The following NSL1 variants were observed in gnomAD, a reference collection of about 807,000 sequenced individuals.
The protein encoded by NSL1 is kinetochore-associated protein NSL1 homolog.
NSL1 carries 11 observed loss-of-function variants against 25.4 expected under a neutral mutation model. That is an observed-to-expected ratio of 0.43 (90% CI 0.27 to 0.72). The LOEUF (loss-of-function observed/expected upper bound fraction) is 0.72, where lower values mean the gene tolerates loss of function less well. Ranked by LOEUF, NSL1 falls within the 30% of genes least tolerant of loss-of-function variation. The pLI is 0.19. For missense variants in NSL1, 330 were observed against 342.7 expected (o/e 0.96, Z 0.29); for synonymous variants, 118 against 120.6 (o/e 0.98, Z 0.14).
In NSL1 at chr1:212,756,114, A is replaced by G. The variant is rs755051801; in HGVS notation, c.500-16513T>C. ...ACCAAAAACAAAAAGTAAAAATACA[A>G]TGCTATCCTTGTTGGGTTTTTTTGA... On this transcript the variant is annotated intron_variant, in intron 4 of 5. Transcript: ENST00000366977. 3.0e-4 allele frequency among the ~76,000 whole-genome samples: 45 copies of G among 152,136 alleles called. 1 individual carries two copies. The highest frequency in any genetic ancestry group is 4.0e-4 in the Non-Finnish European group (27 of 68,014).
chr1:212,759,787 G>A (rs548242706), intron 4 of NSL1, among the ~76,000 whole-genome samples: 2 of 152,110 alleles, frequency 1.3e-5, no homozygotes, highest in East Asian at 1.9e-4. Context: ...CCAGGTCCCC[G>A]GCACTCTAGC....
At chr1:212,786,086 CCTT>C (rs1029431113) in intron 2 of NSL1, among the ~76,000 whole-genome samples, 48 of 151,250 alleles carry the variant, frequency 3.2e-4, no homozygotes, top group African/African-American at 9.9e-4. Flanking sequence ...CCCTTCCTTT[CCTT>C]CTTTTCTTTC....
In NSL1 at chr1:212,731,331, G is replaced by T; in HGVS notation, c.*7077C>A. ...AGCACTTTGGGAAGCTGAGGCAGGA[G>T]GATGGCTTGAGCCCAGGAATTCAAG... On this transcript the variant is annotated 3_prime_UTR_variant, in exon 6 of 6. Transcript: ENST00000366977. The T allele has an allele frequency of 2.0e-6, 2 of 981,802 alleles. No individual in the cohort carries two copies. Among genetic ancestry groups the T allele is most frequent in the Non-Finnish European group, 2.4e-6 (2 of 826,726 alleles). The allele number at this position is 981,802 out of a possible 1,614,324, so 60.8% of individuals were successfully genotyped here.
intron 1 of NSL1, among the ~76,000 whole-genome samples, chr1:212,789,979 G>T (rs1024837745): frequency 2.0e-5 from 3 of 152,210 alleles, no homozygotes; most frequent in African/African-American, 7.2e-5. Flanking sequence ...ACTACATACA[G>T]AGTCACAACC....
At chr1:212,754,785 A>AAAAAAAAAG (rs1553252344) in intron 4 of NSL1, among the ~76,000 whole-genome samples, 1 of 149,500 alleles carries the variant, frequency 6.7e-6, no homozygotes, top group African/African-American at 2.5e-5. Context: ...AAAAAAAAAA[A>AAAAAAAAAG]CCAACTCAAA....
Position 212,729,413 on chromosome 1 carries a change from A to G in NSL1, c.*8995T>C, listed in dbSNP as rs567505923. On this transcript the variant is annotated 3_prime_UTR_variant, in exon 6 of 6. Coordinates refer to ENST00000366977, the MANE Select transcript of NSL1 (RefSeq NM_015471.4). ...AGCACAGTATTTAGATTCATCGAGT[A>G]TGTGTGTAATAAAAGGTGTGGCTAC... The G allele has an allele frequency of 2.0e-6, 2 of 984,262 alleles. No individual in the cohort carries two copies. Among genetic ancestry groups the G allele is most frequent in the Admixed American group, 6.1e-5 (1 of 16,282 alleles). 61.0% of individuals were successfully genotyped at this position (984,262 alleles called of 1,614,324 possible).
chr1:212,748,507 T>C (rs910594877), intron 4 of NSL1, among the ~76,000 whole-genome samples: 8 of 152,162 alleles, frequency 5.3e-5, no homozygotes, highest in African/African-American at 1.9e-4. Flanking sequence ...AGACACACAA[T>C]GGAATACTAC....
At chr1:212,765,706 T>C (rs1318093465) in intron 4 of NSL1, among the ~76,000 whole-genome samples, 2 of 151,934 alleles carry the variant, frequency 1.3e-5, no homozygotes, top group African/African-American at 4.8e-5. Flanking sequence ...CTCAGAAGGC[T>C]GAGGCAGGAG....
At position 212,738,670 on chromosome 1, in the gene NSL1, A is replaced by G. The variant is rs1571862775; in HGVS notation, c.584T>C (p.Ile195Thr). Residue 195 changes from isoleucine (I) to threonine (T), a missense_variant, in exon 6 of 6, where the codon ATT becomes ACT. By Grantham distance (89) the Ile-to-Thr change is moderately conservative (BLOSUM62 -1). Coordinates refer to ENST00000366977, the MANE Select transcript of NSL1 (RefSeq NM_015471.4). ...TTGGGAAAATCCCTCTCCTTGTTCA[A>G]TTAATGCAGGCAAGGACTTCAAACA... ...SEAMKSLPAL[I>T]EQGEGFSQVL... 6.2e-7 allele frequency: 1 copy of G among 1,613,622 alleles called. No individual in the cohort carries two copies. Among genetic ancestry groups the G allele is most frequent in the East Asian group, 2.2e-5 (1 of 44,872 alleles).
chr1:212,785,916 A>C (rs1660922247), intron 2 of NSL1, among the ~76,000 whole-genome samples: 2 of 152,224 alleles, frequency 1.3e-5, no homozygotes, highest in Non-Finnish European at 2.9e-5. Context: ...TTCGGTATAT[A>C]CATATCAGAT....
At chr1:212,789,491 C>T (rs1380144344) in intron 1 of NSL1, among the ~76,000 whole-genome samples, 2 of 152,316 alleles carry the variant, frequency 1.3e-5, no homozygotes, top group East Asian at 1.9e-4. Context: ...GGATTACAGG[C>T]GTAAGCCATC....
chr1:212,738,985 A>T (rs139595988), intron 5 of NSL1, among the ~76,000 whole-genome samples: 108 of 151,548 alleles, frequency 7.1e-4, no homozygotes, highest in African/African-American at 2.4e-3. Context: ...CTGGTCTTGA[A>T]CTCCTGACCT....
At chr1:212,741,603 A>AT (rs1658511913) in intron 4 of NSL1, among the ~76,000 whole-genome samples, 1 of 152,138 alleles carries the variant, frequency 6.6e-6, no homozygotes, top group Non-Finnish European at 1.5e-5. Flanking sequence ...TGCCATGACT[A>AT]TAAGTTTCCT....
chr1:212,787,827 A>G (rs1188636295), intron 1 of NSL1, among the ~76,000 whole-genome samples, 190 bp from the exon 2 acceptor site: 1 of 152,220 alleles, frequency 6.6e-6, no homozygotes, highest in East Asian at 1.9e-4. Flanking sequence ...TTTGGGTCTC[A>G]TAGCCATTAT....
chr1:212,736,107 G>A lies in NSL1; in HGVS notation c.*2301C>T, dbSNP rs1293267288. 1.1e-6 allele frequency: 1 copy of A among 937,802 alleles called. No homozygotes were observed. The highest frequency in any genetic ancestry group is 1.2e-4 in the East Asian group (1 of 8,562). The allele number at this position is 937,802 out of a possible 1,614,324, so 58.1% of individuals were successfully genotyped here. ...GGCTGGAGTACAGTGGTGCCATCCT[G>A]GCTCACTGCAACTTCTGCCTCCAGG... On this transcript the variant is annotated 3_prime_UTR_variant, in exon 6 of 6. Coordinates refer to ENST00000366977, the MANE Select transcript of NSL1 (RefSeq NM_015471.4).
At chr1:212,768,360 C>T (rs1659935956) in intron 4 of NSL1, among the ~76,000 whole-genome samples, 1 of 148,406 alleles carries the variant, frequency 6.7e-6, no homozygotes, top group African/African-American at 2.5e-5. Context: ...AGCAGGACTA[C>T]CATTCGATCC....
chr1:212,742,947 G>C (rs1388000650), intron 4 of NSL1, among the ~76,000 whole-genome samples: 2 of 152,088 alleles, frequency 1.3e-5, no homozygotes, highest in African/African-American at 2.4e-5. Flanking sequence ...TTTGGTTCTA[G>C]TCCTAAGGAC....
chr1:212,728,244 C>A lies in NSL1; in HGVS notation c.*10164G>T, dbSNP rs1657868524. The A allele has an allele frequency of 1.1e-5, 11 of 958,218 alleles. 1 individual carries two copies. In the South Asian group the frequency reaches 5.3e-4, roughly 46 times the overall value. The allele number at this position is 958,218 out of a possible 1,614,324, so 59.4% of individuals were successfully genotyped here. A position where few individuals can be genotyped will look rare whatever the true frequency, so the allele number is the denominator to read the frequency against. On this transcript the variant is annotated 3_prime_UTR_variant, in exon 6 of 6. Transcript: ENST00000366977. ...ACTAGCATTATATTGATATTACCTT[C>A]AGCAAATAAGTTGATAACATTATAT... is the stretch of plus-strand genomic sequence containing the variant.
intron 4 of NSL1, among the ~76,000 whole-genome samples, chr1:212,772,688 A>T (rs7555930): frequency 6.7e-6 from 1 of 149,756 alleles, no homozygotes; most frequent in Non-Finnish European, 1.5e-5. Flanking sequence ...AAAAAAGAAA[A>T]AAAGAAAGAA....
Sources: allele counts gnomAD v4.1 joint callset (sites outside exome capture counted in the v4.1 genomes callset), GRCh38; gene constraint gnomAD v4.1.1; transcripts MANE v1.5; gene names NCBI Gene and HGNC (gene_info 2026-07-23, HGNC 2026-07-21).